The following CTNNA1 variants were observed in gnomAD, a reference collection of about 807,000 sequenced individuals.
The protein encoded by CTNNA1 is catenin alpha 1, also known as catenin alpha-1.
In CTNNA1, 37 loss-of-function variants were observed where a neutral mutation model predicts 98.4. That is an observed-to-expected ratio of 0.38 (90% CI 0.29 to 0.49). The LOEUF (loss-of-function observed/expected upper bound fraction) is 0.49, where lower values mean the gene tolerates loss of function less well. Ranked by LOEUF, CTNNA1 falls within the 20% of genes least tolerant of loss-of-function variation. CTNNA1 has a pLI of 0.95. For synonymous variants in CTNNA1, 404 were observed against 413.2 expected, an observed-to-expected ratio of 0.98 and a Z score of 0.27; for missense variants, 761 against 1,147.2, an observed-to-expected ratio of 0.66 and a Z score of 4.86.
At chr5:138,778,758 T>G (rs1018953414) in intron 1 of CTNNA1, among the ~76,000 whole-genome samples, 3 of 152,234 alleles carry the variant, frequency 2.0e-5, no homozygotes, top group Admixed American at 6.5e-5. Flanking sequence ...TTTTCCTTCT[T>G]TATTCATATT....
intron 5 of CTNNA1, among the ~76,000 whole-genome samples, chr5:138,816,982 T>C (rs1419914416): frequency 1.3e-5 from 2 of 152,224 alleles, no homozygotes; most frequent in Admixed American, 1.3e-4. Context: ...ATTACAGGTG[T>C]GACCCACCGT....
At chr5:138,843,665 T>TA (rs1762454927) in intron 7 of CTNNA1, among the ~76,000 whole-genome samples, 1 of 152,188 alleles carries the variant, frequency 6.6e-6, no homozygotes, top group Admixed American at 6.5e-5. Flanking sequence ...AAAGTGAACT[T>TA]ATGGCTGAGT....
chr5:138,822,637 C>A (rs1581159179), intron 5 of CTNNA1, among the ~76,000 whole-genome samples: 2 of 152,230 alleles, frequency 1.3e-5, no homozygotes, highest in East Asian at 3.9e-4. Flanking sequence ...GTCATAGCCC[C>A]TTGTTGCTTG....
At chr5:138,895,187 G>C (rs1349940367) in intron 9 of CTNNA1, among the ~76,000 whole-genome samples, 1 of 152,110 alleles carries the variant, frequency 6.6e-6, no homozygotes, top group Non-Finnish European at 1.5e-5. Flanking sequence ...AAACATTAGA[G>C]TTGCCCAGGT....
In CTNNA1 at chr5:138,824,664, G is replaced by A. The variant is rs1224735461; in HGVS notation, c.723G>A (p.Arg241=). The change falls in exon 6 of 18, where the codon AGG becomes AGA. Residue 241 remains arginine (R), a synonymous_variant. Transcript: ENST00000302763. The part of the protein sequence containing the change: ...HPDVAAYKAN[R]DLIYKQLQQA... ...ATGTCGCAGCCTATAAGGCCAACAG[G>A]GACCTGATATACAAGCAGCTGCAGC... is the stretch of plus-strand genomic sequence containing the variant. 1.2e-6 allele frequency: 2 copies of A among 1,614,182 alleles called. No homozygotes were observed. The highest frequency in any genetic ancestry group is 1.7e-4 in the Middle Eastern group (1 of 6,058).
At chr5:138,811,334 A>G (rs1758756622) in intron 4 of CTNNA1, among the ~76,000 whole-genome samples, 1 of 125,056 alleles carries the variant, frequency 8.0e-6, no homozygotes, top group Non-Finnish European at 1.7e-5. Context: ...CCGGGCAGAG[A>G]CGCTCCTCAC....
intron 7 of CTNNA1, among the ~76,000 whole-genome samples, chr5:138,877,509 G>A (rs1013137604): frequency 6.6e-6 from 1 of 150,988 alleles, no homozygotes; most frequent in Non-Finnish European, 1.5e-5. Context: ...CTGCAGTGGC[G>A]CAATCTCGGC....
At chr5:138,759,329 A>G (rs1476452282) in intron 1 of CTNNA1, among the ~76,000 whole-genome samples, 1 of 152,144 alleles carries the variant, frequency 6.6e-6, no homozygotes, top group African/African-American at 2.4e-5. Context: ...CTGAGATACA[A>G]ACTTAAGGAC....
At chr5:138,828,213 T>C (rs1388770579) in intron 7 of CTNNA1, 1 of 159,830 alleles carries the variant, frequency 6.3e-6, no homozygotes, top group Non-Finnish European at 1.4e-5. Context: ...ACCTGCCTCC[T>C]CAATATTTAT....
At chr5:138,867,751 T>C (rs543126267) in intron 7 of CTNNA1, among the ~76,000 whole-genome samples, 10 of 151,946 alleles carry the variant, frequency 6.6e-5, no homozygotes, top group Middle Eastern at 3.4e-3. Context: ...TTCTTTCTTT[T>C]TTTTTTTTTC....
chr5:138,927,804 A>G (rs1400501959), intron 13 of CTNNA1, among the ~76,000 whole-genome samples: 1 of 151,828 alleles, frequency 6.6e-6, no homozygotes, highest in East Asian at 1.9e-4. Context: ...GGTGCTGGGG[A>G]GGTAGAGATG....
At chr5:138,902,076 T>G (rs879641248) in intron 9 of CTNNA1, among the ~76,000 whole-genome samples, 1 of 152,198 alleles carries the variant, frequency 6.6e-6, no homozygotes, top group Non-Finnish European at 1.5e-5. Context: ...CAGAAATATT[T>G]TAAAGTAATG....
rs201021876 is a variant in CTNNA1 at position 138,873,655 on chromosome 5, G to A, written c.1063-12557G>A. 1.1e-4 allele frequency: 174 copies of A among 1,613,996 alleles called. 1 individual carries two copies. The highest frequency in any genetic ancestry group is 3.3e-4 in the Middle Eastern group (2 of 6,062). ...TGCCAGAGAGACCAACGGTTGTGAGGGATCTCAGGGAGTTTAAGATCTTGG... is the reference window on the plus strand; with the variant it reads ...TGCCAGAGAGACCAACGGTTGTGAGAGATCTCAGGGAGTTTAAGATCTTGG... On this transcript the variant is annotated intron_variant, in intron 7 of 17. Transcript: ENST00000302763. This position sits in a 1 kb window ranked among gnomAD's most constrained non-coding sequence, Gnocchi z 6.1.
chr5:138,800,773 A>G (rs1002731200), intron 3 of CTNNA1, among the ~76,000 whole-genome samples: 26 of 152,132 alleles, frequency 1.7e-4, no homozygotes, highest in African/African-American at 6.3e-4. Context: ...ACTGCATTCC[A>G]GCCTGGGCAA....
chr5:138,792,414 T>C (rs141865195), intron 3 of CTNNA1, among the ~76,000 whole-genome samples: 77 of 152,316 alleles, frequency 5.1e-4, no homozygotes, highest in South Asian at 1.7e-3. Flanking sequence ...TTCAGACTGA[T>C]GTACCCACAT....
intron 11 of CTNNA1, among the ~76,000 whole-genome samples, chr5:138,921,961 A>C (rs1219216384): frequency 1.3e-5 from 2 of 151,594 alleles, no homozygotes; most frequent in Non-Finnish European, 2.9e-5. Context: ...ATGGCAAGCC[A>C]TCAGAATAGT....
At chr5:138,843,960 TAGA>T (rs1384506660) in intron 7 of CTNNA1, among the ~76,000 whole-genome samples, 1 of 152,214 alleles carries the variant, frequency 6.6e-6, no homozygotes, top group African/African-American at 2.4e-5. Context: ...GCACTTTTTT[TAGA>T]AGGTCAAAAG....
At chr5:138,899,131 G>A (rs772217926) in intron 9 of CTNNA1, among the ~76,000 whole-genome samples, 1 of 152,050 alleles carries the variant, frequency 6.6e-6, no homozygotes, top group Non-Finnish European at 1.5e-5. Flanking sequence ...TGAGTATTGC[G>A]TTATTATGGA....
At chr5:138,867,194 A>C (rs1438084799) in intron 7 of CTNNA1, among the ~76,000 whole-genome samples, 1 of 152,208 alleles carries the variant, frequency 6.6e-6, no homozygotes, top group African/African-American at 2.4e-5. Flanking sequence ...TGAGTTTGAC[A>C]ATAGAATTGT....
Sources: allele counts gnomAD v4.1 joint callset (sites outside exome capture counted in the v4.1 genomes callset), GRCh38; gene constraint gnomAD v4.1.1; non-coding constraint Gnocchi (gnomAD v3.1); transcripts MANE v1.5; gene names NCBI Gene and HGNC (gene_info 2026-07-23, HGNC 2026-07-21).